BBS1: variants seen among roughly 807,000 people sequenced by gnomAD.
BBS1 encodes the protein Bardet-Biedl syndrome 1.
In BBS1, 60 loss-of-function variants were observed where a neutral mutation model predicts 73.9. The ratio of observed to expected loss-of-function variants is 0.81; its 90% confidence interval spans 0.66 to 1.01. The LOEUF is 1.01. BBS1 is among the 50% of genes least tolerant of loss of function. The pLI is 0.00. For missense variants in BBS1, 718 were observed against 770.3 expected, an observed-to-expected ratio of 0.93 and a Z score of 0.80; for synonymous variants, 283 against 317.4, an observed-to-expected ratio of 0.89 and a Z score of 1.15.
Position 66,530,932 on chromosome 11 carries a change from C to T in BBS1, c.1512C>T (p.His504=), listed in dbSNP as rs1301583558. 44 of 1,614,232 alleles carry T rather than the reference C, an allele frequency of 2.7e-5. No homozygotes were observed. Among genetic ancestry groups the T allele is most frequent in the Non-Finnish European group, 3.6e-5 (43 of 1,180,048 alleles). ...GCCCCACCTTTAAGCTCACACTTCA[C>T]CTGCAGAACACCTCAACAACCCGTC... ...GLGPTFKLTL[H]LQNTSTTRPV... is the part of the protein sequence containing the mutation. The change falls in exon 15 of 17, where the codon CAC becomes CAT. Residue 504 remains histidine (H), a synonymous_variant. Coordinates refer to ENST00000318312, the MANE Select transcript of BBS1 (RefSeq NM_024649.5).
chr11:66,510,665 C>T lies in BBS1; in HGVS notation c.6C>T (p.Ala2=), dbSNP rs143592479. Reference sequence around the variant, plus strand: ...CCAGGACGACGCCTGCGAAGATGGCCGCTGCGTCCTCATCGGATTCCGACG... The same window carrying T: ...CCAGGACGACGCCTGCGAAGATGGCTGCTGCGTCCTCATCGGATTCCGACG... M[A]AASSSDSDAC... is the part of the protein sequence containing the mutation. Residue 2 remains alanine (A), a synonymous_variant, in exon 1 of 17, where the codon GCC becomes GCT. Transcript: ENST00000318312. The T allele has an allele frequency of 6.3e-5, 101 of 1,614,046 alleles. No homozygotes were observed. Among genetic ancestry groups the T allele is most frequent in the Admixed American group, 8.3e-5 (5 of 60,014 alleles).
rs1856787209 is a variant in BBS1, at chr11:66,531,679, C to T, written c.1632C>T (p.Leu544=). The change falls in exon 16 of 17, where the codon CTC becomes CTT. Residue 544 remains leucine, a synonymous_variant. Coordinates refer to ENST00000318312, the MANE Select transcript of BBS1 (RefSeq NM_024649.5). ...FFKVPLLVPG[L]NYPLETFVES... is the part of the protein sequence containing the mutation. ...AGGTACCCTTGCTGGTGCCAGGGCTCAACTACCCCCTGGAGACCTTTGTGG... is the reference window on the plus strand; with the variant it reads ...AGGTACCCTTGCTGGTGCCAGGGCTTAACTACCCCCTGGAGACCTTTGTGG... The T allele has an allele frequency of 6.2e-7, 1 of 1,613,996 alleles. No individual in the cohort carries two copies. The highest frequency in any genetic ancestry group is 1.7e-5 in the Admixed American group (1 of 59,994).
At chr11:66,512,110 A>T (rs1052319889) in intron 3 of BBS1, among the ~76,000 whole-genome samples, 1 of 149,576 alleles carries the variant, frequency 6.7e-6, no homozygotes, top group Non-Finnish European at 1.5e-5. Context: ...ATGTAAATTT[A>T]AAAAGATACA....
intron 11 of BBS1, 43 bp from the exon 12 acceptor site, chr11:66,526,080 C>G: frequency 6.2e-7 from 1 of 1,600,630 alleles, no homozygotes; most frequent in Non-Finnish European, 8.6e-7. Context: ...TTGCTTTCCT[C>G]TCCAAGATAT....
Position 66,521,302 on chromosome 11 carries a change from G to C in BBS1, c.756G>C (p.Glu252Asp), listed in dbSNP as rs149920346. The C allele has an allele frequency of 2.0e-5, 32 of 1,614,230 alleles. No individual in the cohort carries two copies. In the African/African-American group the frequency reaches 4.3e-4, roughly 22 times the overall value. The stretch of plus-strand genomic sequence containing the variant: ...TTCCCAGCGTCCCCGTCTTCCTAGA[G>C]GTTTCTGGCCAGTTTGATGTTGAGT... ...MSLPSVPVFL[E>D]VSGQFDVEFR... The change falls in exon 9 of 17, where the codon GAG (glutamate) becomes GAC (aspartate). Residue 252 changes from glutamate to aspartate, a missense_variant. Glu to Asp is a conservative substitution (Grantham distance 45, BLOSUM62 2). Transcript: ENST00000318312.
At chr11:66,512,030 A>ATGTATATATATG (rs1855962355) in intron 3 of BBS1, among the ~76,000 whole-genome samples, 1 of 144,892 alleles carries the variant, frequency 6.9e-6, no homozygotes, top group African/African-American at 2.6e-5. Context: ...GTGTATATAT[A>ATGTATATATATG]TGTATATATA....
rs376386231 is a variant in BBS1, at chr11:66,521,255, G to T, written c.724-15G>T. 7 of 1,604,928 alleles carry T rather than the reference G, an allele frequency of 4.4e-6. No homozygotes were observed. The South Asian group carries it at 6.6e-5, about 15-fold the overall frequency. ...GCTCCAGAGAAATTGGAGTGTTTGC[G>T]CTTCTTGTTTGCAGATGAGCCTTCC... On this transcript the variant is annotated splice_polypyrimidine_tract_variant and intron_variant, in intron 8 of 16. Coordinates refer to ENST00000318312, the MANE Select transcript of BBS1 (RefSeq NM_024649.5).
At chr11:66,529,590 G>A in intron 13 of BBS1, 6 of 691,040 alleles carry the variant, frequency 8.7e-6, no homozygotes, top group Non-Finnish European at 1.3e-5. Flanking sequence ...GAGCTAGATA[G>A]TGCAGGCAGG....
chr11:66,521,214 G>A, intron 8 of BBS1, 56 bp from the exon 9 acceptor site: 1 of 1,336,390 alleles, frequency 7.5e-7, no homozygotes, highest in Non-Finnish European at 1.1e-6. Context: ...TACTGACAGG[G>A]CAGGGAGGGA....
Position 66,515,920 on chromosome 11 carries a change from CCAT to C in BBS1, c.581_583del (p.Ile194del). Reference sequence around the variant, plus strand: ...TTTGTAAACCAACACAAGTCCAACTCCATCAAGCGGCAGGTAATACCCCCTTCT... The same window carrying C: ...TTTGTAAACCAACACAAGTCCAACTCCAAGCGGCAGGTAATACCCCCTTCT... On this transcript the variant is annotated inframe_deletion, in exon 7 of 17. Transcript: ENST00000318312. The C allele has an allele frequency of 6.2e-7, 1 of 1,614,148 alleles. No individual in the cohort carries two copies. Among genetic ancestry groups the C allele is most frequent in the South Asian group, 1.1e-5 (1 of 91,082 alleles).
intron 4 of BBS1, 67 bp from the exon 5 acceptor site, chr11:66,515,473 T>C: frequency 6.4e-7 from 1 of 1,556,872 alleles, no homozygotes; most frequent in Non-Finnish European, 8.9e-7. Flanking sequence ...TGGAGCTGTC[T>C]GGGGGTGTAG....
rs1289315056 is a variant in BBS1 at position 66,532,442 on chromosome 11, A to G, written c.*405A>G. Reference sequence around the variant, plus strand: ...TGCAGGCCAAGGCCAAAATTGGGCTAGTCCTGGCCAGGGAAATCAGAAGCT... The same window carrying G: ...TGCAGGCCAAGGCCAAAATTGGGCTGGTCCTGGCCAGGGAAATCAGAAGCT... On this transcript the variant is annotated 3_prime_UTR_variant, in exon 17 of 17. Transcript: ENST00000318312. The G allele has an allele frequency of 1.0e-5, 2 of 193,274 alleles. No individual in the cohort carries two copies. Among genetic ancestry groups the G allele is most frequent in the Non-Finnish European group, 2.2e-5 (2 of 92,252 alleles). 12.0% of individuals were successfully genotyped at this position (193,274 alleles called of 1,614,324 possible).
chr11:66,521,904 CAAAAAAAAAAAAA>C (rs1183524219), intron 9 of BBS1, among the ~76,000 whole-genome samples: 1 of 36,486 alleles, frequency 2.7e-5, no homozygotes, highest in African/African-American at 1.2e-4. Context: ...GACTCCGTCT[CAAAAAAAAAAAAA>C]AAAAAAAAAA....
rs193922709 is a variant in BBS1 at position 66,519,695 on chromosome 11, G to A, written c.670G>A (p.Glu224Lys). 10 of 1,613,674 alleles carry A rather than the reference G, an allele frequency of 6.2e-6. No individual in the cohort carries two copies. Among genetic ancestry groups the A allele is most frequent in the Non-Finnish European group, 8.5e-6 (10 of 1,180,008 alleles). Residue 224 changes from glutamate to lysine, a missense_variant, in exon 8 of 17, where the codon GAG becomes AAG. Glu to Lys is a moderately conservative substitution (Grantham distance 56). Transcript: ENST00000318312. ...TGTGTCTTGCCTGGTGCTGGGCACC[G>A]AGAACAAGGAGCTCCTGGTGCTTGA... ...DAVSCLVLGT[E>K]NKELLVLDPE...
chr11:66,524,233 TCA>T (rs1856385463), intron 11 of BBS1: 1 of 360,818 alleles, frequency 2.8e-6, no homozygotes, highest in Non-Finnish European at 5.4e-6. Context: ...TGAGCCAAGA[TCA>T]AACCATGGCA....
chr11:66,514,469 C>T lies in BBS1; in HGVS notation c.223C>T (p.Leu75=). ...CCGCCTGAAGGTGCTCAAAGGACCA[C>T]TGGTGATGACCGAAAGCCCGCTACC... ...QPRLKVLKGP[L]VMTESPLPAL... is the part of the protein sequence containing the mutation. The change falls in exon 4 of 17, where the codon CTG becomes TTG. Residue 75 remains leucine (L), a synonymous_variant. Transcript: ENST00000318312. 3 of 1,614,208 alleles carry T rather than the reference C, an allele frequency of 1.9e-6. No individual in the cohort carries two copies. Among genetic ancestry groups the T allele is most frequent in the Non-Finnish European group, 2.5e-6 (3 of 1,180,054 alleles).
chr11:66,514,339 G>T, intron 3 of BBS1, 67 bp from the exon 4 acceptor site: 1 of 1,589,822 alleles, frequency 6.3e-7, no homozygotes. Flanking sequence ...CAGCAATAAG[G>T]CAAGAAGAGG....
chr11:66,520,915 T>C, intron 8 of BBS1: 1 of 348,052 alleles, frequency 2.9e-6, no homozygotes, highest in East Asian at 7.5e-5. Flanking sequence ...GACAAAGTTT[T>C]GCCATGTTGG....
chr11:66,527,171 A>G, intron 13 of BBS1: 1 of 629,558 alleles, frequency 1.6e-6, no homozygotes, highest in East Asian at 2.8e-5. Context: ...CCAGGAGTTC[A>G]AGACCTACCT....
Sources: allele counts gnomAD v4.1 joint callset (sites outside exome capture counted in the v4.1 genomes callset), GRCh38; gene constraint gnomAD v4.1.1; transcripts MANE v1.5; gene names NCBI Gene and HGNC (gene_info 2026-07-23, HGNC 2026-07-21).